The following CFAP43 variants were observed in gnomAD, a reference collection of about 807,000 sequenced individuals.
CFAP43 encodes cilia- and flagella-associated protein 43.
CFAP43 carries 155 observed loss-of-function variants against 218.9 expected under a neutral mutation model. The ratio of observed to expected loss-of-function variants is 0.71; its 90% CI spans 0.62 to 0.81. The LOEUF (loss-of-function observed/expected upper bound fraction) is 0.81, where lower values mean the gene tolerates loss of function less well. Among genes scored for constraint, CFAP43 ranks in the 30% least tolerant of loss-of-function variants. The pLI, the probability that CFAP43 is intolerant of heterozygous loss-of-function variation, is 0.00. For missense variants in CFAP43, 1,778 were observed against 1,954.3 expected (o/e 0.91, Z 1.70); for synonymous variants, 645 against 681.3 (o/e 0.95, Z 0.83).
chr10:104,182,507 A>G lies in CFAP43; in HGVS notation c.2148T>C (p.Phe716=), dbSNP rs61735579. 1.3e-5 allele frequency: 21 copies of G among 1,586,072 alleles called. No homozygotes were observed. Among genetic ancestry groups the G allele is most frequent in the Middle Eastern group, 3.4e-4 (2 of 5,940 alleles). The change falls in exon 17 of 38, where the codon TTT becomes TTC. Residue 716 remains phenylalanine, a synonymous_variant. Transcript: ENST00000357060. ...GTLVYLKWKR[F]GGHLASEILD... is the part of the protein sequence containing the mutation. ...GAATTTCACTGGCTAGGTGTCCTCC[A>G]AATCGCCTATATTAATAAAAAAGAA... is the stretch of plus-strand genomic sequence containing the variant.
At chr10:104,174,408 A>G (rs2089532388) in intron 19 of CFAP43, among the ~76,000 whole-genome samples, 1 of 152,198 alleles carries the variant, frequency 6.6e-6, no homozygotes, top group Admixed American at 6.5e-5. Flanking sequence ...CCTTTTTAAA[A>G]CTATCTGATT....
chr10:104,222,012 T>C (rs564076254), intron 3 of CFAP43, among the ~76,000 whole-genome samples: 2 of 152,324 alleles, frequency 1.3e-5, no homozygotes, highest in African/African-American at 4.8e-5. Context: ...CTACTTTAGA[T>C]TCTTTTTCAG....
chr10:104,201,699 T>C (rs530435532), intron 8 of CFAP43, among the ~76,000 whole-genome samples: 2 of 151,962 alleles, frequency 1.3e-5, no homozygotes, highest in Non-Finnish European at 2.9e-5. Context: ...TTTTTGCTGT[T>C]GTATGCAGTG....
In CFAP43 at chr10:104,195,386, C is replaced by G. The variant is rs763977145; in HGVS notation, c.1294-1372G>C. ...GTGAAAGGACATGTGATTAAATGCA[C>G]TTGTAAGATCTCTCCTAGTTTACTA... On this transcript the variant is annotated intron_variant, in intron 10 of 37. Transcript: ENST00000357060. Among the ~76,000 whole-genome samples the G allele has an allele frequency of 2.6e-4, 39 of 152,168 alleles. 1 individual carries two copies. The highest frequency in any genetic ancestry group is 1.8e-3 in the Admixed American group (27 of 15,280).
intron 2 of CFAP43, among the ~76,000 whole-genome samples, chr10:104,229,706 C>A (rs936689105): frequency 3.9e-5 from 6 of 152,008 alleles, no homozygotes; most frequent in Non-Finnish European, 5.9e-5. Context: ...AAATGGTAGG[C>A]AACATTGAGC....
chr10:104,161,305 A>T (rs2088858961), intron 26 of CFAP43, 143 bp from the exon 27 acceptor site: 2 of 870,930 alleles, frequency 2.3e-6, no homozygotes, highest in Non-Finnish European at 3.4e-6. Flanking sequence ...CATCTTGGGC[A>T]AAAGATATTT....
At chr10:104,180,445 CTTTT>C (rs34452460) in intron 17 of CFAP43, among the ~76,000 whole-genome samples, 5 of 124,642 alleles carry the variant, frequency 4.0e-5, no homozygotes, top group Non-Finnish European at 5.0e-5. Flanking sequence ...CACCCTATTT[CTTTT>C]TTTTTTTTTT....
intron 16 of CFAP43, among the ~76,000 whole-genome samples, chr10:104,184,784 A>C (rs975494341): frequency 6.6e-6 from 1 of 151,976 alleles, no homozygotes; most frequent in African/African-American, 2.4e-5. Context: ...ATACTAGAGG[A>C]TCTCATCCAC....
In CFAP43 at chr10:104,164,005, A is replaced by C. The variant is rs997137203; in HGVS notation, c.3246+89T>G. On this transcript the variant is annotated intron_variant, in intron 24 of 37. Transcript: ENST00000357060. ...ACTGAGAGTGCTACCCAGTACAATCACTTCCCACAGAGTAACCAAGTTGAA... is the reference window on the plus strand; with the variant it reads ...ACTGAGAGTGCTACCCAGTACAATCCCTTCCCACAGAGTAACCAAGTTGAA... The C allele has an allele frequency of 2.3e-6, 3 of 1,331,194 alleles. No homozygotes were observed. In the African/African-American group the frequency reaches 4.4e-5, roughly 19 times the overall value. 82.5% of individuals were successfully genotyped at this position (1,331,194 alleles called of 1,614,324 possible).
rs749743271 is a variant in CFAP43 at position 104,152,742 on chromosome 10, T to C, written c.3541-16A>G. 1.9e-6 allele frequency: 3 copies of C among 1,600,888 alleles called. No homozygotes were observed. In the South Asian group the frequency reaches 3.4e-5, roughly 18 times the overall value. On this transcript the variant is annotated splice_polypyrimidine_tract_variant and intron_variant, in intron 27 of 37. Coordinates refer to ENST00000357060, the MANE Select transcript of CFAP43 (RefSeq NM_025145.7). Reference sequence around the variant, plus strand: ...CTTCTAATGACTAAAAGGAAAACAATAGTAAAGTTAACGTTTAAGAGTATT... The same window carrying C: ...CTTCTAATGACTAAAAGGAAAACAACAGTAAAGTTAACGTTTAAGAGTATT...
At position 104,196,871 on chromosome 10, in the gene CFAP43, C is replaced by CT. The variant is rs1261497032; in HGVS notation, c.1274dup (p.Ile426AspfsTer35). 2 of 1,612,192 alleles carry CT rather than the reference C, an allele frequency of 1.2e-6. No individual in the cohort carries two copies. The highest frequency in any genetic ancestry group is 2.7e-5 in the African/African-American group (2 of 74,834). ...TACTTACTAGGGTATTCAGATAAAT[C>CT]TTGCTTACACAAGCACAATCCTCCA... On this transcript the variant is annotated frameshift_variant, in exon 10 of 38. Coordinates refer to ENST00000357060, the MANE Select transcript of CFAP43 (RefSeq NM_025145.7). LOFTEE classifies it high-confidence loss of function.
chr10:104,222,224 C>T (rs999876133), intron 3 of CFAP43, among the ~76,000 whole-genome samples: 2 of 152,160 alleles, frequency 1.3e-5, no homozygotes, highest in African/African-American at 2.4e-5. Context: ...CCAGGGTCCA[C>T]GGACTAACTG....
At chr10:104,191,796 G>GC (rs1334020512) in intron 12 of CFAP43, among the ~76,000 whole-genome samples, 1 of 147,442 alleles carries the variant, frequency 6.8e-6, no homozygotes, top group Non-Finnish European at 1.5e-5. Context: ...GTGTGGGGGG[G>GC]GGGAAACACA....
At chr10:104,170,997 T>A (rs910110827) in intron 20 of CFAP43, among the ~76,000 whole-genome samples, 2 of 152,182 alleles carry the variant, frequency 1.3e-5, no homozygotes, top group African/African-American at 4.8e-5. Context: ...TGCTTGACAT[T>A]CTCTTCCCTC....
chr10:104,230,682 G>T lies in CFAP43; in HGVS notation c.227C>A (p.Pro76His). 6.2e-7 allele frequency: 1 copy of T among 1,613,958 alleles called. No individual in the cohort carries two copies. Among genetic ancestry groups the T allele is most frequent in the Non-Finnish European group, 8.5e-7 (1 of 1,179,988 alleles). ...GIVGVMATNI[P>H]CEVVAFSDRK... ...GTCAGAAAAAGCCACAACTTCACAG[G>T]GGATGTTAGTTGCCATGACGCCCAC... is the stretch of plus-strand genomic sequence containing the variant. Residue 76 changes from proline (P) to histidine (H), a missense_variant, in exon 2 of 38, where the codon CCC becomes CAC. Pro to His is a moderately conservative substitution (Grantham distance 77). This residue lies in a region of CFAP43 where 1,553 missense variants were observed against 1,685.2 expected (regional missense o/e 0.92). Transcript: ENST00000357060.
At chr10:104,185,904 C>A in intron 15 of CFAP43, 70 bp downstream of exon 15, 1 of 1,380,536 alleles carries the variant, frequency 7.2e-7, no homozygotes, top group Non-Finnish European at 9.8e-7. Context: ...TTTTTATATA[C>A]ATATAAAATG....
In CFAP43 at chr10:104,212,001, A is replaced by T; in HGVS notation, c.735+6T>A. On this transcript the variant is annotated splice_donor_region_variant and intron_variant, in intron 5 of 37. Transcript: ENST00000357060. ...AGGCAAACAGGAAGAGGTGCCAGGT[A>T]ATTACCCGGAAAGTCTCTGCCTCTT... The T allele has an allele frequency of 6.2e-7, 1 of 1,610,840 alleles. No homozygotes were observed. The highest frequency in any genetic ancestry group is 8.5e-7 in the Non-Finnish European group (1 of 1,177,886).
At chr10:104,162,520 C>G in intron 24 of CFAP43, 117 bp from the exon 25 acceptor site, 6 of 822,506 alleles carry the variant, frequency 7.3e-6, no homozygotes, top group Non-Finnish European at 1.2e-5. Context: ...ACTCTGCAGA[C>G]TTTGCACCCA....
chr10:104,192,166 A>G, intron 12 of CFAP43, 33 bp downstream of exon 12: 1 of 1,440,142 alleles, frequency 6.9e-7, no homozygotes, highest in South Asian at 1.3e-5. Flanking sequence ...GAAATAATCA[A>G]TATTTTAAAT....
Sources: allele counts gnomAD v4.1 joint callset (sites outside exome capture counted in the v4.1 genomes callset), GRCh38; gene constraint gnomAD v4.1.1; regional missense constraint gnomAD v4.1.1; transcripts MANE v1.5; gene names NCBI Gene and HGNC (gene_info 2026-07-23, HGNC 2026-07-21).